The following CAMSAP1 variants were observed in gnomAD, a reference collection of about 807,000 sequenced individuals.
The protein encoded by CAMSAP1 is calmodulin regulated spectrin associated protein 1.
CAMSAP1 carries 58 observed loss-of-function variants against 143.5 expected under a neutral mutation model. The observed-to-expected ratio is 0.40, with a 90% confidence interval of 0.33 to 0.50. The LOEUF is 0.50. Ranked by LOEUF, CAMSAP1 falls within the 20% of genes least tolerant of loss-of-function variation. The pLI, the probability that CAMSAP1 is intolerant of heterozygous loss-of-function variation, is 0.45. For missense variants in CAMSAP1, 1,969 were observed against 2,115.7 expected, an observed-to-expected ratio of 0.93 and a Z score of 1.36; for synonymous variants, 945 against 859.3, an observed-to-expected ratio of 1.10 and a Z score of -1.74.
In CAMSAP1 at chr9:135,850,312, T is replaced by C. The variant is rs368676685; in HGVS notation, c.948+10A>G. 2.2e-5 allele frequency: 35 copies of C among 1,610,210 alleles called. 1 individual carries two copies. The African/African-American group carries it at 3.2e-4, about 15-fold the overall frequency. ...GTTTTAAAACTGCATGCCAAATAAT[T>C]CGTTATTACCTTCAACACTAATGGC... On this transcript the variant is annotated intron_variant, in intron 6 of 16. Transcript: ENST00000389532.
At chr9:135,901,544 G>A (rs1273057185) in intron 1 of CAMSAP1, among the ~76,000 whole-genome samples, 4 of 152,130 alleles carry the variant, frequency 2.6e-5, no homozygotes, top group Non-Finnish European at 4.4e-5. Context: ...AGCTCAAGGA[G>A]GTCAAGGCTG....
intron 5 of CAMSAP1, among the ~76,000 whole-genome samples, chr9:135,853,411 G>C (rs1358267116): frequency 6.6e-6 from 1 of 152,192 alleles, no homozygotes; most frequent in Non-Finnish European, 1.5e-5. Context: ...ACTCTCAAAT[G>C]GTTGAGAGAG....
At chr9:135,813,918 A>G (rs1835139658) in intron 16 of CAMSAP1, among the ~76,000 whole-genome samples, 1 of 152,174 alleles carries the variant, frequency 6.6e-6, no homozygotes, top group Non-Finnish European at 1.5e-5. Context: ...GAAGAACGAG[A>G]GCAGAGGGAG....
intron 3 of CAMSAP1, among the ~76,000 whole-genome samples, chr9:135,878,035 G>A (rs1837810866): frequency 6.6e-6 from 1 of 152,188 alleles, no homozygotes; most frequent in Non-Finnish European, 1.5e-5. Flanking sequence ...CCCTCAAGCT[G>A]GGGAAAGCGC....
intron 7 of CAMSAP1, among the ~76,000 whole-genome samples, chr9:135,841,965 C>A (rs781657172): frequency 6.6e-6 from 1 of 152,146 alleles, no homozygotes; most frequent in Non-Finnish European, 1.5e-5. Context: ...CAACTCCTTG[C>A]CAGCAAGGGA....
At chr9:135,840,832 T>C (rs974555473) in intron 7 of CAMSAP1, among the ~76,000 whole-genome samples, 9 of 152,168 alleles carry the variant, frequency 5.9e-5, no homozygotes, top group African/African-American at 2.2e-4. Flanking sequence ...ACTATGCTTT[T>C]CCCACAGTCT....
At chr9:135,891,378 G>A (rs1186143499) in intron 1 of CAMSAP1, among the ~76,000 whole-genome samples, 1 of 152,218 alleles carries the variant, frequency 6.6e-6, no homozygotes, top group African/African-American at 2.4e-5. Context: ...AAGGAGAGCT[G>A]GAGAGGGATC....
chr9:135,842,219 C>G (rs938783589), intron 7 of CAMSAP1, among the ~76,000 whole-genome samples: 2 of 152,020 alleles, frequency 1.3e-5, no homozygotes, highest in African/African-American at 4.8e-5. Context: ...GTATCAGTAG[C>G]TGAATCGATC....
chr9:135,828,621 A>G (rs928408192), intron 7 of CAMSAP1, among the ~76,000 whole-genome samples: 1 of 152,186 alleles, frequency 6.6e-6, no homozygotes. Context: ...GAGAACCTCA[A>G]ATTCTCAGAT....
At position 135,827,436 on chromosome 9, in the gene CAMSAP1, G is replaced by C; in HGVS notation, c.1194C>G (p.His398Gln). The stretch of plus-strand genomic sequence containing the variant: ...ATTCAGGTTCTTCCGGGTGCAGGTA[G>C]TGCCTGTGACAGCCTTCCGCCGGCA... ...VQLPAEGCHR[H>Q]YLHPEEPEYL... is the part of the protein sequence containing the mutation. Residue 398 changes from histidine to glutamine, a missense_variant, in exon 8 of 17, where the codon CAC becomes CAG. By Grantham distance (24) the His-to-Gln change is conservative. Around this residue, in one of 4 missense-constraint regions of CAMSAP1, gnomAD observed 1,390 missense variants for 1,420.8 expected, o/e 0.98. Transcript: ENST00000389532. 6.3e-7 allele frequency: 1 copy of C among 1,589,070 alleles called. No homozygotes were observed.
intron 1 of CAMSAP1, among the ~76,000 whole-genome samples, chr9:135,903,349 A>C (rs1410081493): frequency 6.6e-6 from 1 of 152,270 alleles, no homozygotes; most frequent in Admixed American, 6.5e-5. Context: ...AAAAAATGCA[A>C]ACACTGTCAA....
rs977895625 is a variant in CAMSAP1, at chr9:135,824,531, G to A, written c.1315+258C>T. 6.6e-6 allele frequency among the ~76,000 whole-genome samples: 1 copy of A among 152,138 alleles called. No individual in the cohort carries two copies. The highest frequency in any genetic ancestry group is 1.5e-5 in the Non-Finnish European group (1 of 68,032). The stretch of plus-strand genomic sequence containing the variant: ...AATACAAAAATTAACTGAGCATGGT[G>A]GCATGCGCCTATAATCCCAGCTATG... On this transcript the variant is annotated intron_variant, in intron 9 of 16. Transcript: ENST00000389532. The surrounding 1 kb of genome is among the most constrained non-coding windows in gnomAD (Gnocchi z 4.1).
chr9:135,861,323 TTC>T (rs1007508131), intron 5 of CAMSAP1, among the ~76,000 whole-genome samples: 3 of 150,820 alleles, frequency 2.0e-5, no homozygotes, highest in African/African-American at 7.4e-5. Flanking sequence ...TTTTTTTTTT[TTC>T]CCCCCGAGAC....
rs1836721918 is a variant in CAMSAP1, at chr9:135,850,155, C to T, written c.1027G>A (p.Val343Ile). ...CACTCACCGTCTTTCAGCTCCTGAA[C>T]ATCCCTGGGCTGAACAAAATCTGGC... ...VKPDFVQPRD[V>I]QELKDAKTVL... is the part of the protein sequence containing the mutation. The change falls in exon 7 of 17, where the codon GTT becomes ATT. Residue 343 changes from valine (V) to isoleucine (I), a missense_variant. By Grantham distance (29) the Val-to-Ile change is conservative. Coordinates refer to ENST00000389532, the MANE Select transcript of CAMSAP1 (RefSeq NM_015447.4). The T allele has an allele frequency of 6.2e-7, 1 of 1,610,042 alleles. No homozygotes were observed. Among genetic ancestry groups the T allele is most frequent in the African/African-American group, 1.3e-5 (1 of 74,976 alleles).
chr9:135,889,478 A>C (rs1219874762), intron 1 of CAMSAP1, among the ~76,000 whole-genome samples: 2 of 152,286 alleles, frequency 1.3e-5, no homozygotes, highest in Non-Finnish European at 2.9e-5. Flanking sequence ...CAAGAAGCAC[A>C]GGCAGAAGCC....
At chr9:135,855,846 A>T (rs1187974917) in intron 5 of CAMSAP1, among the ~76,000 whole-genome samples, 2 of 151,748 alleles carry the variant, frequency 1.3e-5, no homozygotes, top group Admixed American at 6.6e-5. Flanking sequence ...AGGTCAGGAG[A>T]TCAAGACCAT....
intron 7 of CAMSAP1, among the ~76,000 whole-genome samples, chr9:135,845,375 A>G (rs1470709392): frequency 2.6e-5 from 4 of 152,216 alleles, no homozygotes; most frequent in South Asian, 2.1e-4. Flanking sequence ...TCTCAAAATA[A>G]TAACAGCTAT....
At chr9:135,893,515 A>G (rs997376056) in intron 1 of CAMSAP1, among the ~76,000 whole-genome samples, 5 of 152,242 alleles carry the variant, frequency 3.3e-5, no homozygotes, top group African/African-American at 9.6e-5. Context: ...TGAATAGATT[A>G]GATACAGATA....
chr9:135,819,003 C>T lies in CAMSAP1; in HGVS notation c.3959+7G>A, dbSNP rs368253669. On this transcript the variant is annotated splice_region_variant and intron_variant, in intron 12 of 16. Coordinates refer to ENST00000389532, the MANE Select transcript of CAMSAP1 (RefSeq NM_015447.4). The stretch of plus-strand genomic sequence containing the variant: ...CAGTCTGCTTTCCCCCCCGGCGGGA[C>T]GCTTACCGGGCTTCGTCACGCTTGA... 1.9e-4 allele frequency: 308 copies of T among 1,604,838 alleles called. No individual in the cohort carries two copies. The African/African-American group carries it at 3.7e-3, about 19-fold the overall frequency.
Sources: allele counts gnomAD v4.1 joint callset (sites outside exome capture counted in the v4.1 genomes callset), GRCh38; gene constraint gnomAD v4.1.1; regional missense constraint gnomAD v4.1.1; non-coding constraint Gnocchi (gnomAD v3.1); transcripts MANE v1.5; gene names NCBI Gene and HGNC (gene_info 2026-07-23, HGNC 2026-07-21).